Variants in CLOCK observed in about 807,000 individuals in gnomAD.
CLOCK encodes clock circadian regulator.
CLOCK carries 43 observed loss-of-function variants against 118.4 expected under a neutral mutation model. The ratio of observed to expected loss-of-function variants is 0.36; its 90% CI spans 0.28 to 0.47. The LOEUF (loss-of-function observed/expected upper bound fraction) is 0.47. CLOCK is among the 20% of genes least tolerant of loss of function. The pLI is 1.00. For missense variants in CLOCK, 846 were observed against 999.9 expected, an observed-to-expected ratio of 0.85 and a Z score of 2.08; for synonymous variants, 326 against 339.2, an observed-to-expected ratio of 0.96 and a Z score of 0.43.
intron 2 of CLOCK, among the ~76,000 whole-genome samples, chr4:55,492,842 C>T (rs1291950063): frequency 6.6e-6 from 1 of 151,876 alleles, no homozygotes; most frequent in Non-Finnish European, 1.5e-5. Context: ...GAGATTCTGT[C>T]TCTAAAAAAA....
chr4:55,461,142 G>C (rs1170945152), intron 9 of CLOCK, among the ~76,000 whole-genome samples: 1 of 152,032 alleles, frequency 6.6e-6, no homozygotes, highest in African/African-American at 2.4e-5. Context: ...TGCCCATGCT[G>C]GTCTTGAACT....
Position 55,500,699 on chromosome 4 carries a change from A to G in CLOCK, c.-136+9213T>C, listed in dbSNP as rs538079356. On this transcript the variant is annotated intron_variant, in intron 2 of 22. Transcript: ENST00000513440. ...AGAGAGGCTTACTCCACTTTTGCCTATCCATTATGTTTTATCCATTTCCCA... is the reference window on the plus strand; with the variant it reads ...AGAGAGGCTTACTCCACTTTTGCCTGTCCATTATGTTTTATCCATTTCCCA... 2.6e-5 allele frequency among the ~76,000 whole-genome samples: 4 copies of G among 152,266 alleles called. No homozygotes were observed. In the East Asian group the frequency reaches 7.7e-4, roughly 29 times the overall value.
chr4:55,514,137 G>T (rs1729334652), intron 1 of CLOCK, among the ~76,000 whole-genome samples: 1 of 152,012 alleles, frequency 6.6e-6, no homozygotes, highest in Non-Finnish European at 1.5e-5. Context: ...AGAACTTCCA[G>T]TATGATGTGA....
intron 15 of CLOCK, among the ~76,000 whole-genome samples, 154 bp from the exon 16 acceptor site, chr4:55,450,386 A>T (rs376899434): frequency 2.6e-5 from 4 of 152,264 alleles, no homozygotes; most frequent in East Asian, 3.8e-4. Context: ...ATGAAAATTT[A>T]TGTGTTATAG....
rs1336315883 is a variant in CLOCK, at chr4:55,435,293, G to C, written c.*122C>G. 6.0e-6 allele frequency: 7 copies of C among 1,162,896 alleles called. No homozygotes were observed. Among genetic ancestry groups the C allele is most frequent in the Admixed American group, 1.9e-5 (1 of 53,940 alleles). 72.0% of individuals were successfully genotyped at this position (1,162,896 alleles called of 1,614,324 possible). A position where few individuals can be genotyped will look rare whatever the true frequency, so the allele number is the denominator to read the frequency against. ...CTCTGCCAACTAATTCCAGGAACTAGAACACTCAATACTGCATCTCATGAA... is the reference window on the plus strand; with the variant it reads ...CTCTGCCAACTAATTCCAGGAACTACAACACTCAATACTGCATCTCATGAA... On this transcript the variant is annotated 3_prime_UTR_variant, in exon 23 of 23. Transcript: ENST00000513440.
intron 18 of CLOCK, among the ~76,000 whole-genome samples, 192 bp downstream of exon 18, chr4:55,448,587 C>T (rs1335675916): frequency 4.0e-5 from 3 of 74,928 alleles, no homozygotes; most frequent in Non-Finnish European, 8.2e-5. Context: ...TATATGTGCG[C>T]GCGCGCACGC....
At chr4:55,511,858 T>C (rs1729169025) in intron 1 of CLOCK, among the ~76,000 whole-genome samples, 1 of 152,096 alleles carries the variant, frequency 6.6e-6, no homozygotes, top group Non-Finnish European at 1.5e-5. Flanking sequence ...AATCATACAA[T>C]ATGTAGTAGC....
chr4:55,503,978 TAAAAAAAAAAAAAAA>T (rs60471915), intron 2 of CLOCK, among the ~76,000 whole-genome samples: 4 of 71,130 alleles, frequency 5.6e-5, no homozygotes, highest in African/African-American at 2.0e-4. Flanking sequence ...CAAAAAGAGG[TAAAAAAAAAAAAAAA>T]AAAAAAAAAA....
chr4:55,541,910 A>AT (rs1731292033), intron 1 of CLOCK, among the ~76,000 whole-genome samples: 1 of 151,178 alleles, frequency 6.6e-6, no homozygotes, highest in Admixed American at 6.6e-5. Context: ...AAAGGTTAAG[A>AT]TACGTATTCT....
rs372529857 is a variant in CLOCK at position 55,544,057 on chromosome 4, A to G, written c.-290+2725T>C. On this transcript the variant is annotated intron_variant, in intron 1 of 22. Transcript: ENST00000513440. ...AGTTTGAGGGTCCCCTCCCAAAATT[A>G]TATCTCATCTAACAGCTGCCTGTGC... 2.6e-3 allele frequency among the ~76,000 whole-genome samples: 396 copies of G among 152,226 alleles called. 1 individual carries two copies. The highest frequency in any genetic ancestry group is 9.2e-3 in the African/African-American group (382 of 41,528).
intron 2 of CLOCK, among the ~76,000 whole-genome samples, 155 bp downstream of exon 2, chr4:55,509,757 A>G (rs987737055): frequency 1.3e-5 from 2 of 152,246 alleles, no homozygotes; most frequent in African/African-American, 2.4e-5. Flanking sequence ...CTTACTCCTC[A>G]TAAGAATGAA....
At chr4:55,530,774 C>CAAAAAAAAAAAAAAAAAA (rs60810379) in intron 1 of CLOCK, among the ~76,000 whole-genome samples, 17 of 33,024 alleles carry the variant, frequency 5.1e-4, no homozygotes, top group South Asian at 1.3e-3. Context: ...GACTCCATCG[C>CAAAAAAAAAAAAAAAAAA]AAAAAAAAAA....
chr4:55,464,278 T>C (rs567026474), intron 8 of CLOCK, among the ~76,000 whole-genome samples: 75 of 152,134 alleles, frequency 4.9e-4, no homozygotes, highest in African/African-American at 1.7e-3. Context: ...CTGCATCCCA[T>C]TGTACAAAAG....
chr4:55,522,787 G>A (rs1483494256), intron 1 of CLOCK, among the ~76,000 whole-genome samples: 1 of 151,986 alleles, frequency 6.6e-6, no homozygotes, highest in African/African-American at 2.4e-5. Context: ...ACATGCACAT[G>A]TACACACACA....
intron 11 of CLOCK, among the ~76,000 whole-genome samples, chr4:55,457,921 C>CG (rs146597699): frequency 0.039 from 5,960 of 152,174 alleles, 185 homozygotes; most frequent in African/African-American, 0.071. Context: ...ATAGGGTTGT[C>CG]ATAAGAATTA....
At chr4:55,545,948 C>A (rs1004352367) in intron 1 of CLOCK, 3 of 152,244 alleles carry the variant, frequency 2.0e-5, no homozygotes, top group African/African-American at 7.2e-5. Flanking sequence ...TAGCCGCGCG[C>A]TGCCTAGGAA....
chr4:55,535,993 G>A (rs1261218380), intron 1 of CLOCK, among the ~76,000 whole-genome samples: 1 of 152,056 alleles, frequency 6.6e-6, no homozygotes, highest in Admixed American at 6.6e-5. Context: ...ACAGCTTTTG[G>A]TGTTCACACA....
At chr4:55,509,368 G>A (rs1361825716) in intron 2 of CLOCK, among the ~76,000 whole-genome samples, 4 of 152,092 alleles carry the variant, frequency 2.6e-5, no homozygotes, top group Non-Finnish European at 4.4e-5. Context: ...TAACTTTCAC[G>A]TGTCACAAGT....
intron 17 of CLOCK, 26 bp downstream of exon 17, chr4:55,449,370 A>ATG: frequency 6.4e-7 from 1 of 1,564,324 alleles, no homozygotes; most frequent in Non-Finnish European, 8.8e-7. Flanking sequence ...ATCTTTATTC[A>ATG]GAAGAATATC....
Sources: gnomAD v4.1 joint callset for allele counts (sites outside exome capture counted in the v4.1 genomes callset) on GRCh38, gnomAD v4.1.1 for gene constraint, MANE v1.5 for transcripts, NCBI Gene and HGNC (gene_info 2026-07-23, HGNC 2026-07-21) for gene names.